QTMAN: variants seen among roughly 807,000 people sequenced by gnomAD.
QTMAN encodes tRNA-queuosine alpha-mannosyltransferase.
the QTMAN span, among the ~76,000 whole-genome samples, chr2:144,101,394 T>TCTCTCACA: frequency 6.2e-4 from 93 of 150,234 alleles, no homozygotes; most frequent in South Asian, 4.4e-3. Flanking sequence ...TATCTCTCTC[T>TCTCTCACA]CACACACACA....
chr2:144,244,961 G>A, the QTMAN span, among the ~76,000 whole-genome samples: 1 of 152,156 alleles, frequency 6.6e-6, no homozygotes. Flanking sequence ...CTGCTTTGCT[G>A]CCTGCTACAT....
the QTMAN span, among the ~76,000 whole-genome samples, chr2:144,306,865 A>C: frequency 2.6e-5 from 4 of 152,220 alleles, no homozygotes; most frequent in Non-Finnish European, 4.4e-5. Context: ...ACAAGTGTTA[A>C]AAGAAAATAC....
the QTMAN span, among the ~76,000 whole-genome samples, chr2:144,005,474 C>T: frequency 1.3e-4 from 20 of 152,120 alleles, no homozygotes; most frequent in Admixed American, 5.2e-4. Context: ...ATTGACTGCA[C>T]GCTAGATTTT....
At chr2:144,143,521 T>C in the QTMAN span, among the ~76,000 whole-genome samples, 4 of 151,892 alleles carry the variant, frequency 2.6e-5, no homozygotes, top group Non-Finnish European at 5.9e-5. Context: ...CTTCCGTGCA[T>C]CCCTTGAAAA....
At chr2:143,956,575 A>G in the QTMAN span, among the ~76,000 whole-genome samples, 1 of 152,148 alleles carries the variant, frequency 6.6e-6, no homozygotes, top group Non-Finnish European at 1.5e-5. Flanking sequence ...AGATTCAGTA[A>G]GGAAAAAGAC....
At chr2:143,979,609 T>A in the QTMAN span, among the ~76,000 whole-genome samples, 1 of 152,236 alleles carries the variant, frequency 6.6e-6, no homozygotes, top group Non-Finnish European at 1.5e-5. Context: ...TAGATTTGTA[T>A]AAGCATATTT....
At chr2:144,302,015 G>C in the QTMAN span, among the ~76,000 whole-genome samples, 2 of 152,138 alleles carry the variant, frequency 1.3e-5, no homozygotes, top group African/African-American at 2.4e-5. Flanking sequence ...TGAAAGTTGT[G>C]CTAGGCAAAG....
At chr2:144,145,569 T>C in the QTMAN span, 6 of 1,603,494 alleles carry the variant, frequency 3.7e-6, no homozygotes, top group Admixed American at 1.0e-4. Flanking sequence ...AATCCATACC[T>C]ACCATGAAAG....
chr2:144,181,589 A>AC, the QTMAN span, among the ~76,000 whole-genome samples: 14 of 152,042 alleles, frequency 9.2e-5, no homozygotes, highest in Non-Finnish European at 1.5e-4. Flanking sequence ...GAGGTGTGTG[A>AC]ATCACTTTGA....
the QTMAN span, among the ~76,000 whole-genome samples, chr2:144,033,168 C>A: frequency 6.6e-6 from 1 of 152,214 alleles, no homozygotes; most frequent in Non-Finnish European, 1.5e-5. Context: ...AATTCTCTAA[C>A]ACCAACAAGG....
chr2:144,275,870 T>TAA, the QTMAN span, among the ~76,000 whole-genome samples: 3 of 152,132 alleles, frequency 2.0e-5, no homozygotes, highest in African/African-American at 7.2e-5. Context: ...TATATATATA[T>TAA]AATGTTGTAA....
chr2:144,131,026 T>C, the QTMAN span, among the ~76,000 whole-genome samples: 1 of 151,944 alleles, frequency 6.6e-6, no homozygotes, highest in African/African-American at 2.4e-5. Context: ...CACTCAGTTT[T>C]TATCAATCAG....
the QTMAN span, among the ~76,000 whole-genome samples, chr2:144,123,227 A>AT: frequency 1.3e-5 from 2 of 152,038 alleles, no homozygotes; most frequent in African/African-American, 2.4e-5. Flanking sequence ...ACTATACCAA[A>AT]TTTTCCCAAT....
chr2:144,203,171 G>A, the QTMAN span, among the ~76,000 whole-genome samples: 1 of 151,836 alleles, frequency 6.6e-6, no homozygotes, highest in Non-Finnish European at 1.5e-5. Context: ...GTGTGTGTGT[G>A]TGTGTGTGTG....
the QTMAN span, among the ~76,000 whole-genome samples, chr2:144,317,050 T>C: frequency 1.3e-5 from 2 of 152,204 alleles, no homozygotes; most frequent in African/African-American, 4.8e-5. Context: ...TTCATAATGA[T>C]AACAAGCCAC....
chr2:144,228,559 G>A, the QTMAN span, among the ~76,000 whole-genome samples: 4 of 152,144 alleles, frequency 2.6e-5, no homozygotes, highest in African/African-American at 9.7e-5. Flanking sequence ...TAGGAAGAAA[G>A]GAGAAAAGAA....
At chr2:144,182,697 G>C in the QTMAN span, among the ~76,000 whole-genome samples, 1 of 136,678 alleles carries the variant, frequency 7.3e-6, no homozygotes, top group South Asian at 2.3e-4. Flanking sequence ...GGGCATGCCT[G>C]ATAGGCACTG....
the QTMAN span, chr2:143,939,461 C>G: frequency 6.6e-6 from 1 of 152,112 alleles, no homozygotes; most frequent in Admixed American, 6.5e-5. Context: ...GTTTTTCTTT[C>G]TTTGTTTTGG....
At chr2:144,182,889 T>TATATA in the QTMAN span, among the ~76,000 whole-genome samples, 1 of 81,206 alleles carries the variant, frequency 1.2e-5, no homozygotes, top group Non-Finnish European at 2.2e-5. Flanking sequence ...ATATATTTTA[T>TATATA]ATATATATAT....
Sources: gnomAD v4.1 joint callset for allele counts (sites outside exome capture counted in the v4.1 genomes callset) on GRCh38, gnomAD v4.1.1 for gene constraint, MANE v1.5 for transcripts, NCBI Gene and HGNC (gene_info 2026-07-23, HGNC 2026-07-21) for gene names.